The following LRRTM3 variants were observed in gnomAD, a reference collection of about 807,000 sequenced individuals.
LRRTM3 encodes the protein leucine rich repeat transmembrane neuronal 3.
Under a neutral mutation model 44.7 loss-of-function variants are expected in LRRTM3, and 24 were observed. The ratio of observed to expected loss-of-function variants is 0.54; its 90% CI spans 0.39 to 0.76. The LOEUF is 0.76. Ranked by LOEUF, LRRTM3 falls within the 30% of genes least tolerant of loss-of-function variation. The pLI, the probability that LRRTM3 is intolerant of heterozygous loss-of-function variation, is 0.00. For synonymous variants in LRRTM3, 277 were observed against 278.7 expected (o/e 0.99, Z 0.06); for missense variants, 587 against 702.2 (o/e 0.84, Z 1.85).
intron 2 of LRRTM3, among the ~76,000 whole-genome samples, chr10:67,036,310 C>T (rs1056806577): frequency 3.3e-5 from 5 of 151,604 alleles, no homozygotes; most frequent in Non-Finnish European, 7.4e-5. Context: ...GCTCTTGTTG[C>T]CCAGGCTGGA....
At chr10:67,066,480 C>T (rs566359197) in intron 2 of LRRTM3, among the ~76,000 whole-genome samples, 81 of 150,874 alleles carry the variant, frequency 5.4e-4, no homozygotes, top group Middle Eastern at 7.0e-3. Flanking sequence ...TGTGAACCAC[C>T]GCACCTGGCC....
chr10:66,927,484 T>C lies in LRRTM3; in HGVS notation c.568T>C (p.Tyr190His). Residue 190 changes from tyrosine to histidine, a missense_variant, in exon 2 of 3, where the codon TAT becomes CAT. Tyr to His is a moderately conservative substitution (Grantham distance 83). Coordinates refer to ENST00000361320, the MANE Select transcript of LRRTM3 (RefSeq NM_178011.5). The surrounding 1 kb of genome is among the most constrained non-coding windows in gnomAD (Gnocchi z 4.7). ...CAACCTGGAACTTTTGGACCTGGGA[T>C]ATAACCGGATCCGAAGTTTAGCCAG... Reference protein sequence around the residue: ...CRNLELLDLGYNRIRSLARNV... With the variant: ...CRNLELLDLGHNRIRSLARNV... 6.2e-7 allele frequency: 1 copy of C among 1,614,086 alleles called. No individual in the cohort carries two copies. The highest frequency in any genetic ancestry group is 8.5e-7 in the Non-Finnish European group (1 of 1,180,028).
At chr10:66,983,409 G>T (rs553662478) in intron 2 of LRRTM3, among the ~76,000 whole-genome samples, 1 of 152,078 alleles carries the variant, frequency 6.6e-6, no homozygotes. Context: ...AGTTTTGTAC[G>T]GGTGCCCAGG....
intron 2 of LRRTM3, among the ~76,000 whole-genome samples, chr10:67,041,811 C>A (rs1050624224): frequency 6.6e-6 from 1 of 151,996 alleles, no homozygotes; most frequent in African/African-American, 2.4e-5. Flanking sequence ...GAAAGAATGA[C>A]AATAAAGTGC....
chr10:67,001,329 A>G (rs1851680696), intron 2 of LRRTM3, among the ~76,000 whole-genome samples: 1 of 151,236 alleles, frequency 6.6e-6, no homozygotes. Context: ...AAAAGAGAAA[A>G]AAATTAAATA....
At chr10:66,968,572 A>C (rs1281786637) in intron 2 of LRRTM3, among the ~76,000 whole-genome samples, 1 of 152,036 alleles carries the variant, frequency 6.6e-6, no homozygotes, top group Non-Finnish European at 1.5e-5. Context: ...GCAAACAAAA[A>C]GGTTGTCTCC....
intron 2 of LRRTM3, among the ~76,000 whole-genome samples, chr10:67,088,445 T>C (rs1857430499): frequency 1.3e-5 from 2 of 151,864 alleles, no homozygotes; most frequent in Non-Finnish European, 2.9e-5. Flanking sequence ...TATTCAAAAG[T>C]GGCCACATCA....
chr10:67,025,114 A>T (rs1853274401), intron 2 of LRRTM3, among the ~76,000 whole-genome samples: 1 of 143,326 alleles, frequency 7.0e-6, no homozygotes, highest in African/African-American at 2.6e-5. Context: ...CTGAGCAACA[A>T]GAGCAAAACT....
intron 2 of LRRTM3, among the ~76,000 whole-genome samples, chr10:66,957,392 A>C (rs4745922): frequency 2.2e-5 from 2 of 89,468 alleles, no homozygotes; most frequent in Non-Finnish European, 4.3e-5. Flanking sequence ...GTATATATAT[A>C]CATATATATA....
chr10:67,052,313 A>ACTCTCTCTCTCTCTCTCTCTCT (rs3841706), intron 2 of LRRTM3, among the ~76,000 whole-genome samples: 8 of 121,120 alleles, frequency 6.6e-5, no homozygotes, highest in South Asian at 3.2e-4. Flanking sequence ...CCCACTCATC[A>ACTCTCTCTCTCTCTCTCTCTCT]CTCTCTCTCT....
At chr10:67,040,402 C>A (rs1854320848) in intron 2 of LRRTM3, among the ~76,000 whole-genome samples, 1 of 151,954 alleles carries the variant, frequency 6.6e-6, no homozygotes, top group Admixed American at 6.6e-5. Flanking sequence ...TAATGGGAGC[C>A]ACTGCACAAA....
intron 2 of LRRTM3, among the ~76,000 whole-genome samples, chr10:67,035,156 CCAAGTA>C (rs1168664902): frequency 1.3e-5 from 2 of 152,116 alleles, no homozygotes; most frequent in Non-Finnish European, 2.9e-5. Context: ...CTTGCTGATA[CCAAGTA>C]CAAGTTCCTT....
At chr10:67,059,962 G>T (rs572645583) in intron 2 of LRRTM3, among the ~76,000 whole-genome samples, 1 of 152,208 alleles carries the variant, frequency 6.6e-6, no homozygotes, top group East Asian at 1.9e-4. Context: ...CAAATATGTT[G>T]AGGGAGATAA....
chr10:67,009,632 G>A (rs1018411347), intron 2 of LRRTM3, among the ~76,000 whole-genome samples: 12 of 151,830 alleles, frequency 7.9e-5, no homozygotes, highest in African/African-American at 2.9e-4. Context: ...AATTTCTCTT[G>A]TGATTTTTTT....
chr10:67,088,822 C>T (rs1450798216), intron 2 of LRRTM3, among the ~76,000 whole-genome samples: 2 of 151,916 alleles, frequency 1.3e-5, no homozygotes, highest in Non-Finnish European at 2.9e-5. Context: ...ATATTGAGTT[C>T]CTGCCTTATT....
At chr10:66,991,792 T>A (rs1851055006) in intron 2 of LRRTM3, among the ~76,000 whole-genome samples, 1 of 152,222 alleles carries the variant, frequency 6.6e-6, no homozygotes, top group African/African-American at 2.4e-5. Flanking sequence ...ATGTAGGATA[T>A]TTTCTAGTTT....
chr10:67,025,472 C>G (rs1162002794), intron 2 of LRRTM3, among the ~76,000 whole-genome samples: 1 of 152,074 alleles, frequency 6.6e-6, no homozygotes, highest in Non-Finnish European at 1.5e-5. Context: ...TCATAGATTA[C>G]CAATCACTCA....
At chr10:66,971,131 G>A (rs1589519350) in intron 2 of LRRTM3, among the ~76,000 whole-genome samples, 1 of 152,044 alleles carries the variant, frequency 6.6e-6, no homozygotes, top group Non-Finnish European at 1.5e-5. Flanking sequence ...AGGCAGGATA[G>A]TGAAGTTAAA....
At chr10:66,971,865 A>G (rs1478404465) in intron 2 of LRRTM3, among the ~76,000 whole-genome samples, 1 of 152,048 alleles carries the variant, frequency 6.6e-6, no homozygotes, top group Non-Finnish European at 1.5e-5. Flanking sequence ...TTTCTGAGCC[A>G]AAATCATTTT....
Sources: allele counts gnomAD v4.1 joint callset (sites outside exome capture counted in the v4.1 genomes callset), GRCh38; gene constraint gnomAD v4.1.1; non-coding constraint Gnocchi (gnomAD v3.1); transcripts MANE v1.5; gene names NCBI Gene and HGNC (gene_info 2026-07-23, HGNC 2026-07-21).